KIAA1217: variants seen among roughly 807,000 people sequenced by gnomAD.
The protein encoded by KIAA1217 is sickle tail protein homolog.
A neutral mutation model predicts 163.9 loss-of-function variants in KIAA1217; 88 were observed. The observed-to-expected ratio is 0.54, with a 90% CI of 0.45 to 0.64. The LOEUF (loss-of-function observed/expected upper bound fraction) is 0.64, where lower values mean the gene tolerates loss of function less well. Ranked by LOEUF, KIAA1217 falls within the 30% of genes least tolerant of loss-of-function variation. KIAA1217 has a pLI of 0.00. For missense variants in KIAA1217, 2,372 were observed against 2,475.0 expected (o/e 0.96, Z 0.88); for synonymous variants, 903 against 923.1 (o/e 0.98, Z 0.39).
chr10:24,441,092 ATTG>A (rs1564685878), intron 5 of KIAA1217, among the ~76,000 whole-genome samples: 1 of 152,216 alleles, frequency 6.6e-6, no homozygotes, highest in Non-Finnish European at 1.5e-5. Flanking sequence ...GCAAGCATCA[ATTG>A]TTGTAGACTA....
At chr10:23,705,995 A>C (rs981031894) in intron 1 of KIAA1217, among the ~76,000 whole-genome samples, 1 of 152,080 alleles carries the variant, frequency 6.6e-6, no homozygotes, top group African/African-American at 2.4e-5. Context: ...ATTGATTTTT[A>C]AGTATTTTAT....
At chr10:24,019,382 A>G (rs1358139068) in intron 2 of KIAA1217, among the ~76,000 whole-genome samples, 1 of 147,540 alleles carries the variant, frequency 6.8e-6, no homozygotes, top group Non-Finnish European at 1.5e-5. Context: ...AAATACATAC[A>G]TACTTAAGGA....
chr10:24,209,154 G>A lies in KIAA1217; in HGVS notation c.-40G>A, dbSNP rs1172062279. ...GGAGCTTTTAGAACTGCGCTCTGAA[G>A]TTTCCAGAGAGCGAGGAGCTTTTGC... On this transcript the variant is annotated 5_prime_UTR_variant, in exon 1 of 21. Transcript: ENST00000376454. The A allele has an allele frequency of 1.1e-5, 17 of 1,600,144 alleles. No individual in the cohort carries two copies. The highest frequency in any genetic ancestry group is 1.4e-5 in the Non-Finnish European group (16 of 1,167,864).
intron 2 of KIAA1217, among the ~76,000 whole-genome samples, chr10:24,339,869 C>T (rs1053294177): frequency 1.3e-5 from 2 of 152,150 alleles, no homozygotes; most frequent in African/African-American, 2.4e-5. Flanking sequence ...AGTCTGTCTC[C>T]CAAAACAGAT....
chr10:23,730,485 C>T (rs11013668), intron 1 of KIAA1217, among the ~76,000 whole-genome samples: 3 of 151,784 alleles, frequency 2.0e-5, no homozygotes, highest in Non-Finnish European at 4.4e-5. Context: ...GAGTATTTTG[C>T]CTTTCCATAT....
intron 2 of KIAA1217, among the ~76,000 whole-genome samples, chr10:24,048,502 G>A (rs190875118): frequency 8.3e-4 from 126 of 152,242 alleles, no homozygotes; most frequent in African/African-American, 2.8e-3. Flanking sequence ...AGGCCAAGGC[G>A]GGTGGATTAC....
chr10:23,977,050 G>C (rs1269017162), intron 1 of KIAA1217, among the ~76,000 whole-genome samples: 3 of 152,088 alleles, frequency 2.0e-5, no homozygotes, highest in African/African-American at 4.8e-5. Context: ...TGCTGACGGA[G>C]ATCTTTTTTA....
chr10:23,918,794 C>A (rs1395849954), intron 1 of KIAA1217, among the ~76,000 whole-genome samples: 1 of 151,736 alleles, frequency 6.6e-6, no homozygotes, highest in Non-Finnish European at 1.5e-5. Context: ...TAACAGCACC[C>A]CTTTTTCCTC....
chr10:24,166,524 G>A (rs1196556481), intron 2 of KIAA1217, among the ~76,000 whole-genome samples: 2 of 152,040 alleles, frequency 1.3e-5, no homozygotes, highest in Non-Finnish European at 2.9e-5. Context: ...GATCACTTGA[G>A]GTAAGGGGTT....
Position 24,005,745 on chromosome 10 carries a change from T to G in KIAA1217, c.-320-1480T>G, listed in dbSNP as rs138145943. Among the ~76,000 whole-genome samples the G allele has an allele frequency of 2.0e-5, 3 of 152,268 alleles. No individual in the cohort carries two copies. In the East Asian group the frequency reaches 5.8e-4, roughly 29 times the overall value. The stretch of plus-strand genomic sequence containing the variant: ...TATTCAATTTTCAGTATTTCACAGT[T>G]TTGTTGTCATTCAGTGGCCAGTGGA... On this transcript the variant is annotated intron_variant, in intron 1 of 18. Coordinates refer to the KIAA1217 transcript ENST00000376462.
intron 2 of KIAA1217, among the ~76,000 whole-genome samples, chr10:24,017,547 T>C (rs1847540725): frequency 6.6e-6 from 1 of 152,122 alleles, no homozygotes; most frequent in Non-Finnish European, 1.5e-5. Context: ...AGTAACATAC[T>C]GGCTTAAATT....
chr10:23,779,665 T>C (rs7076816), intron 1 of KIAA1217, among the ~76,000 whole-genome samples: 118 of 152,306 alleles, frequency 7.7e-4, no homozygotes, highest in African/African-American at 2.6e-3. Context: ...CTTTTATACA[T>C]GCATGCTTTC....
At chr10:24,060,277 CTT>C (rs2060673378) in intron 2 of KIAA1217, among the ~76,000 whole-genome samples, 1 of 152,058 alleles carries the variant, frequency 6.6e-6, no homozygotes, top group African/African-American at 2.4e-5. Flanking sequence ...AAATTTCTCT[CTT>C]AGCACTGTTT....
At chr10:24,093,822 C>T (rs962489937) in intron 2 of KIAA1217, among the ~76,000 whole-genome samples, 3 of 128,158 alleles carry the variant, frequency 2.3e-5, no homozygotes, top group Non-Finnish European at 3.2e-5. Flanking sequence ...CACAACAGTC[C>T]CCAGAGTGTG....
intron 2 of KIAA1217, among the ~76,000 whole-genome samples, chr10:24,331,375 G>A (rs879777688): frequency 6.6e-6 from 1 of 152,218 alleles, no homozygotes; most frequent in Non-Finnish European, 1.5e-5. Flanking sequence ...TAGAATCTTC[G>A]AAGGCTAAAA....
At chr10:23,924,307 G>A (rs925483161) in intron 1 of KIAA1217, among the ~76,000 whole-genome samples, 1 of 152,018 alleles carries the variant, frequency 6.6e-6, no homozygotes, top group African/African-American at 2.4e-5. Flanking sequence ...GAAAATCTTG[G>A]AGACTGATCA....
At chr10:23,987,578 T>G (rs1477802385) in intron 1 of KIAA1217, among the ~76,000 whole-genome samples, 1 of 151,132 alleles carries the variant, frequency 6.6e-6, no homozygotes, top group Non-Finnish European at 1.5e-5. Flanking sequence ...ATCAAATTAA[T>G]GTATTCATTA....
In KIAA1217 at chr10:24,158,711, A is replaced by G. The variant is rs948807068; in HGVS notation, c.-170-60915A>G. ...AGACCTCTTGCTACAGCATACAAAG[A>G]TTCTACTAGTGATTATCAGGTTATT... On this transcript the variant is annotated intron_variant, in intron 2 of 18. Coordinates refer to the KIAA1217 transcript ENST00000376462. 53 of 507,000 alleles carry G rather than the reference A, an allele frequency of 1.0e-4. 1 individual carries two copies. Among genetic ancestry groups the G allele is most frequent in the Admixed American group, 5.1e-4 (22 of 43,318 alleles). The allele number at this position is 507,000 out of a possible 1,614,324, so 31.4% of individuals were successfully genotyped here. A position where few individuals can be genotyped will look rare whatever the true frequency, so the allele number is the denominator to read the frequency against.
intron 2 of KIAA1217, among the ~76,000 whole-genome samples, chr10:24,108,821 CA>C (rs953037125): frequency 2.0e-5 from 3 of 152,068 alleles, no homozygotes; most frequent in Middle Eastern, 3.2e-3. Flanking sequence ...AACATGTTCT[CA>C]AAACTTTGTT....
Sources: allele counts gnomAD v4.1 joint callset (sites outside exome capture counted in the v4.1 genomes callset), GRCh38; gene constraint gnomAD v4.1.1; transcripts MANE v1.5; gene names NCBI Gene and HGNC (gene_info 2026-07-23, HGNC 2026-07-21).